RLN2: variants seen among roughly 807,000 people sequenced by gnomAD.
RLN2 encodes prorelaxin H2.
In RLN2, 10 loss-of-function variants were observed where a neutral mutation model predicts 7.3. That is an observed-to-expected ratio of 1.36 (90% CI 0.84 to 2.31). The LOEUF (loss-of-function observed/expected upper bound fraction) is 2.31, where lower values mean the gene tolerates loss of function less well. Ranked by LOEUF, RLN2 falls within the 30% of genes most tolerant of loss-of-function variation. RLN2 has a pLI of 0.00. For missense variants in RLN2, 298 were observed against 217.6 expected, an observed-to-expected ratio of 1.37 and a Z score of -2.32; for synonymous variants, 103 against 82.3, an observed-to-expected ratio of 1.25 and a Z score of -1.36.
chr9:5,310,173 C>G, the RLN2 span, among the ~76,000 whole-genome samples: 1 of 151,950 alleles, frequency 6.6e-6, no homozygotes, highest in African/African-American at 2.4e-5. Context: ...TTGGGGTTAT[C>G]CCAGGGCAAT....
At position 5,304,561 on chromosome 9, in the gene RLN2, A is replaced by T; in HGVS notation, c.20T>A (p.Phe7Tyr). The change falls in exon 1 of 2, where the codon TTC (phenylalanine) becomes TAC (tyrosine). Residue 7 changes from phenylalanine to tyrosine, a missense_variant. Physicochemically the swap from Phe to Tyr is conservative, Grantham distance 22. Transcript: ENST00000381627. Reference protein sequence around the residue: MPRLFFFHLLGVCLLLN... With the variant: MPRLFFYHLLGVCLLLN... ...TAGTAAACAGACTCCTAGCAGGTGG[A>T]AAAAAAACAGGCGAGGCATCCTGGG... 1 of 1,613,476 alleles carries T rather than the reference A, an allele frequency of 6.2e-7. No individual in the cohort carries two copies. Among genetic ancestry groups the T allele is most frequent in the Non-Finnish European group, 8.5e-7 (1 of 1,179,682 alleles).
At chr9:5,332,214 C>CT in the RLN2 span, among the ~76,000 whole-genome samples, 1 of 151,820 alleles carries the variant, frequency 6.6e-6, no homozygotes, top group Non-Finnish European at 1.5e-5. Flanking sequence ...GGTGTACTCC[C>CT]TTTTTTATAA....
the RLN2 span, chr9:5,335,444 G>C: frequency 6.2e-7 from 1 of 1,613,704 alleles, no homozygotes; most frequent in Admixed American, 1.7e-5. Context: ...GCTAAGATTG[G>C]AATCCTTTAA....
the RLN2 span, among the ~76,000 whole-genome samples, chr9:5,329,309 C>CAAAAAAAAAAAAAA: frequency 1.9e-5 from 1 of 53,290 alleles, no homozygotes; most frequent in African/African-American, 7.5e-5. Context: ...GACTCCATCT[C>CAAAAAAAAAAAAAA]AAAAAAAAAA....
chr9:5,316,109 A>G, the RLN2 span, among the ~76,000 whole-genome samples: 2 of 152,056 alleles, frequency 1.3e-5, no homozygotes, highest in African/African-American at 4.8e-5. Context: ...CATGAAGGTT[A>G]AAAACCAAAA....
chr9:5,321,423 T>C, the RLN2 span, among the ~76,000 whole-genome samples: 1 of 152,080 alleles, frequency 6.6e-6, no homozygotes, highest in Non-Finnish European at 1.5e-5. Context: ...AGCCTTAATG[T>C]TCATCATAGC....
At position 5,300,193 on chromosome 9, in the gene RLN2, T is replaced by C; in HGVS notation, c.463A>G (p.Thr155Ala). Residue 155 changes from threonine (T) to alanine (A), a missense_variant, in exon 2 of 2, where the codon ACT becomes GCT. Coordinates refer to ENST00000381627, the MANE Select transcript of RLN2 (RefSeq NM_134441.3). ...PSELKYLGLD[T>A]HSRKKRQLYS... is the part of the protein sequence containing the mutation. Reference sequence around the variant, plus strand: ...AGTTGTCTCTTTTTTCGAGAATGAGTATCCAAGCCTAAGTATTTTAATTCT... The same window carrying C: ...AGTTGTCTCTTTTTTCGAGAATGAGCATCCAAGCCTAAGTATTTTAATTCT... The C allele has an allele frequency of 2.5e-6, 4 of 1,613,912 alleles. No individual in the cohort carries two copies. The highest frequency in any genetic ancestry group is 2.5e-6 in the Non-Finnish European group (3 of 1,179,866).
chr9:5,330,177 A>C, the RLN2 span, among the ~76,000 whole-genome samples: 1 of 152,228 alleles, frequency 6.6e-6, no homozygotes, highest in South Asian at 2.1e-4. Flanking sequence ...AAGTAACGAA[A>C]TGAAGGCATA....
chr9:5,309,304 G>A (rs925846340), upstream of RLN2, among the ~76,000 whole-genome samples: 5 of 152,026 alleles, frequency 3.3e-5, no homozygotes, highest in African/African-American at 7.3e-5. Context: ...TAGAAAATTA[G>A]TCTCTCTAAT....
rs1279393939 is a variant in RLN2 at position 5,304,381 on chromosome 9, C to T, written c.200G>A (p.Arg67Lys). 3 of 1,599,760 alleles carry T rather than the reference C, an allele frequency of 1.9e-6. No homozygotes were observed. The East Asian group carries it at 6.8e-5, about 36-fold the overall frequency. Residue 67 changes from arginine to lysine, a missense_variant, in exon 1 of 2, where the codon AGA becomes AAA. Transcript: ENST00000381627. ...GCGGGAGCTCTCACCTGCCACTGGTCTAGGTGTCTGAGGAGCATCTTCCTG... is the reference window on the plus strand; with the variant it reads ...GCGGGAGCTCTCACCTGCCACTGGTTTAGGTGTCTGAGGAGCATCTTCCTG... ...LSQEDAPQTP[R>K]PVAEIVPSFI... is the part of the protein sequence containing the mutation.
chr9:5,321,339 T>A, the RLN2 span, among the ~76,000 whole-genome samples: 10 of 152,066 alleles, frequency 6.6e-5, no homozygotes, highest in Non-Finnish European at 1.2e-4. Flanking sequence ...TGCACATGGC[T>A]TTCCCCTCAT....
At chr9:5,318,397 T>G in the RLN2 span, among the ~76,000 whole-genome samples, 1 of 151,944 alleles carries the variant, frequency 6.6e-6, no homozygotes, top group African/African-American at 2.4e-5. Flanking sequence ...CTCTTGGTGG[T>G]TTTTTTCTAT....
chr9:5,304,196 C>A lies in RLN2; in HGVS notation c.211+174G>T, dbSNP rs1816187798. On this transcript the variant is annotated intron_variant, in intron 1 of 1. Coordinates refer to ENST00000381627, the MANE Select transcript of RLN2 (RefSeq NM_134441.3). ...CAGTGAGACTGTTTGAATAAAATCA[C>A]CTGGCAAAGGAAAAGCCCAAACTTT... is the stretch of plus-strand genomic sequence containing the variant. 9.5e-6 allele frequency: 5 copies of A among 527,412 alleles called. No homozygotes were observed. In the East Asian group the frequency reaches 1.5e-4, roughly 16 times the overall value. The allele number at this position is 527,412 out of a possible 1,614,324, so 32.7% of individuals were successfully genotyped here.
At chr9:5,312,070 G>A in the RLN2 span, among the ~76,000 whole-genome samples, 4 of 151,868 alleles carry the variant, frequency 2.6e-5, no homozygotes, top group Non-Finnish European at 4.4e-5. Flanking sequence ...GGGGGAAGGG[G>A]CATATGTCAC....
At chr9:5,309,766 A>G in the RLN2 span, among the ~76,000 whole-genome samples, 1 of 151,964 alleles carries the variant, frequency 6.6e-6, no homozygotes, top group South Asian at 2.1e-4. Flanking sequence ...GGCAGTGGCA[A>G]GCACACAGTG....
At chr9:5,336,472 T>G in the RLN2 span, among the ~76,000 whole-genome samples, 2 of 152,034 alleles carry the variant, frequency 1.3e-5, no homozygotes, top group Admixed American at 1.3e-4. Flanking sequence ...GACACCCAGC[T>G]GACATCTTAC....
the RLN2 span, among the ~76,000 whole-genome samples, chr9:5,323,214 C>CATCT: frequency 1.3e-5 from 2 of 152,058 alleles, no homozygotes; most frequent in African/African-American, 4.8e-5. Context: ...CTGTCTCAGT[C>CATCT]ATCTGGCTGC....
At chr9:5,323,411 A>G in the RLN2 span, among the ~76,000 whole-genome samples, 2 of 152,036 alleles carry the variant, frequency 1.3e-5, no homozygotes, top group Non-Finnish European at 2.9e-5. Context: ...TAAAGAAAAC[A>G]AATTCCTTGT....
the RLN2 span, among the ~76,000 whole-genome samples, chr9:5,325,934 T>C: frequency 6.6e-6 from 1 of 152,068 alleles, no homozygotes; most frequent in African/African-American, 2.4e-5. Flanking sequence ...AAAATCCATG[T>C]AACACACTGG....
Sources: gnomAD v4.1 joint callset for allele counts (sites outside exome capture counted in the v4.1 genomes callset) on GRCh38, gnomAD v4.1.1 for gene constraint, MANE v1.5 for transcripts, NCBI Gene and HGNC (gene_info 2026-07-23, HGNC 2026-07-21) for gene names.